The following MTMR3 variants were observed in gnomAD, a reference collection of about 807,000 sequenced individuals.
MTMR3 encodes the protein myotubularin related protein 3, also known as phosphatidylinositol-3,5-bisphosphate 3-phosphatase MTMR3.
MTMR3 carries 32 observed loss-of-function variants against 132.4 expected under a neutral mutation model. The observed-to-expected ratio is 0.24, with a 90% CI of 0.18 to 0.32. The LOEUF (loss-of-function observed/expected upper bound fraction) is 0.32, where lower values mean the gene tolerates loss of function less well. Ranked by LOEUF, MTMR3 falls within the 10% of genes least tolerant of loss-of-function variation. The probability of loss-of-function intolerance (pLI) is 1.00; values close to 1 mark genes in which losing one functional copy is unlikely to be tolerated. For missense variants in MTMR3, 1,216 were observed against 1,489.6 expected, an observed-to-expected ratio of 0.82 and a Z score of 3.02; for synonymous variants, 556 against 550.3, an observed-to-expected ratio of 1.01 and a Z score of -0.14.
chr22:29,927,549 T>C (rs1344133970), intron 1 of MTMR3, among the ~76,000 whole-genome samples: 4 of 152,246 alleles, frequency 2.6e-5, no homozygotes, highest in African/African-American at 9.6e-5. Flanking sequence ...ATTTTTGTTT[T>C]AAATTCTTGT....
chr22:30,018,287 G>C (rs2067651616), intron 16 of MTMR3: 2 of 524,768 alleles, frequency 3.8e-6, no homozygotes, highest in South Asian at 6.4e-5. Flanking sequence ...GTTGCTTCAT[G>C]TTGTTTTGCA....
At chr22:29,994,765 C>T (rs1041912963) in intron 7 of MTMR3, 1 of 152,190 alleles carries the variant, frequency 6.6e-6, no homozygotes, top group African/African-American at 2.4e-5. Context: ...TCATATAAAT[C>T]TTAGTTTCTG....
intron 1 of MTMR3, among the ~76,000 whole-genome samples, chr22:29,925,098 T>C (rs2065489217): frequency 1.3e-5 from 2 of 152,216 alleles, no homozygotes; most frequent in East Asian, 3.8e-4. Flanking sequence ...AGTAGCACAA[T>C]TACTGCTCAC....
At chr22:29,922,579 A>G (rs534428466) in intron 1 of MTMR3, among the ~76,000 whole-genome samples, 1 of 152,226 alleles carries the variant, frequency 6.6e-6, no homozygotes, top group South Asian at 2.1e-4. Flanking sequence ...CTTTTTAGCT[A>G]TTGTGAAGAA....
chr22:29,973,061 T>G (rs2066567039), intron 3 of MTMR3, among the ~76,000 whole-genome samples: 1 of 152,280 alleles, frequency 6.6e-6, no homozygotes, highest in Non-Finnish European at 1.5e-5. Flanking sequence ...ACCATTGATT[T>G]TAATTATATA....
At chr22:29,916,553 G>A (rs759773291) in intron 1 of MTMR3, among the ~76,000 whole-genome samples, 48 of 56,176 alleles carry the variant, frequency 8.5e-4, no homozygotes, top group Non-Finnish European at 1.3e-3. Flanking sequence ...TTCTCTCAGG[G>A]ATCACAGTTC....
At chr22:29,917,151 T>A (rs2065324540) in intron 1 of MTMR3, among the ~76,000 whole-genome samples, 1 of 152,206 alleles carries the variant, frequency 6.6e-6, no homozygotes, top group South Asian at 2.1e-4. Flanking sequence ...TGATTGTAAA[T>A]GGCTATTTTT....
chr22:29,889,430 G>A (rs986739729), intron 1 of MTMR3, among the ~76,000 whole-genome samples: 1 of 151,768 alleles, frequency 6.6e-6, no homozygotes, highest in African/African-American at 2.4e-5. Context: ...GGGATTACAG[G>A]TACCTGCCAC....
chr22:30,016,876 T>C (rs2067605286), intron 15 of MTMR3, 178 bp downstream of exon 15: 1 of 706,538 alleles, frequency 1.4e-6, no homozygotes, highest in Non-Finnish European at 2.3e-6. Flanking sequence ...CTGATGGTGC[T>C]CTGATCTGTT....
At chr22:29,980,172 C>A (rs909260419) in intron 5 of MTMR3, 1 of 149,474 alleles carries the variant, frequency 6.7e-6, no homozygotes, top group Non-Finnish European at 1.5e-5. Flanking sequence ...AAATCTTGTT[C>A]ATTCGTTTTA....
chr22:29,971,013 AC>A lies in MTMR3; in HGVS notation c.-46del. ...GGGAAAGAAGAGAGCCTTGTTGGAC[AC>A]TGAAGAAGGGACGGGGATTTCTCCT... On this transcript the variant is annotated 5_prime_UTR_variant, in exon 3 of 20. The change creates a new upstream start codon in the 5' untranslated region. Coordinates refer to ENST00000401950, the MANE Select transcript of MTMR3 (RefSeq NM_021090.4). The A allele has an allele frequency of 7.4e-6, 11 of 1,495,894 alleles. No individual in the cohort carries two copies. Among genetic ancestry groups the A allele is most frequent in the Non-Finnish European group, 9.9e-6 (11 of 1,116,356 alleles). The allele number at this position is 1,495,894 out of a possible 1,614,324, so 92.7% of individuals were successfully genotyped here. A position where few individuals can be genotyped will look rare whatever the true frequency, so the allele number is the denominator to read the frequency against.
rs570198447 is a variant in MTMR3, at chr22:29,959,605, C to T, written c.-85+2517C>T. On this transcript the variant is annotated intron_variant, in intron 2 of 19. Coordinates refer to ENST00000401950, the MANE Select transcript of MTMR3 (RefSeq NM_021090.4). ...TGTTGGCCAGGCTGGTCTCGAACTC[C>T]TGATTTCCAGTGATCCATCTGTCTC... 7.2e-5 allele frequency among the ~76,000 whole-genome samples: 11 copies of T among 152,130 alleles called. No individual in the cohort carries two copies. In the South Asian group the frequency reaches 2.3e-3, roughly 32 times the overall value.
rs1023175490 is a variant in MTMR3 at position 30,021,004 on chromosome 22, G to C, written c.3225+120G>C. The C allele has an allele frequency of 7.8e-6, 8 of 1,021,142 alleles. No individual in the cohort carries two copies. In the African/African-American group the frequency reaches 1.3e-4, roughly 17 times the overall value. 63.3% of individuals were successfully genotyped at this position (1,021,142 alleles called of 1,614,324 possible). A position where few individuals can be genotyped will look rare whatever the true frequency, so the allele number is the denominator to read the frequency against. On this transcript the variant is annotated intron_variant, in intron 17 of 19. Coordinates refer to ENST00000401950, the MANE Select transcript of MTMR3 (RefSeq NM_021090.4). ...GTTGTTAAAGGATTGGAAAGGTCCA[G>C]AGTAGCCCTGTTAAGAGAGGCTGGA... is the stretch of plus-strand genomic sequence containing the variant.
At chr22:29,943,175 A>G (rs1390562206) in intron 1 of MTMR3, among the ~76,000 whole-genome samples, 1 of 151,938 alleles carries the variant, frequency 6.6e-6, no homozygotes, top group Non-Finnish European at 1.5e-5. Context: ...TTCCGCAACA[A>G]TGATGTGTGT....
At chr22:29,922,183 T>C (rs2065430266) in intron 1 of MTMR3, among the ~76,000 whole-genome samples, 1 of 152,028 alleles carries the variant, frequency 6.6e-6, no homozygotes, top group Non-Finnish European at 1.5e-5. Context: ...CCCGCCACCT[T>C]GCCCAGCTAA....
intron 3 of MTMR3, among the ~76,000 whole-genome samples, chr22:29,973,467 C>T (rs2066574343): frequency 6.6e-6 from 1 of 152,140 alleles, no homozygotes; most frequent in Non-Finnish European, 1.5e-5. Context: ...TCTTCTAATA[C>T]CAGTCTTACG....
intron 7 of MTMR3, chr22:29,997,478 T>A (rs940917839): frequency 3.3e-5 from 5 of 152,252 alleles, no homozygotes; most frequent in South Asian, 2.1e-4. Context: ...TAATATTTTT[T>A]AAAATAACAT....
chr22:29,890,495 G>A (rs1315313854), intron 1 of MTMR3, among the ~76,000 whole-genome samples: 3 of 151,836 alleles, frequency 2.0e-5, no homozygotes, highest in Non-Finnish European at 2.9e-5. Flanking sequence ...TCTAGCCTGG[G>A]CCACAGAGTG....
At chr22:30,009,790 T>TA (rs1601413910) in intron 12 of MTMR3, 2 of 152,330 alleles carry the variant, frequency 1.3e-5, no homozygotes, top group East Asian at 3.9e-4. Context: ...GATAAGTATT[T>TA]AAAAATCCTG....
Sources: gnomAD v4.1 joint callset for allele counts (sites outside exome capture counted in the v4.1 genomes callset) on GRCh38, gnomAD v4.1.1 for gene constraint, MANE v1.5 for transcripts, NCBI Gene and HGNC (gene_info 2026-07-23, HGNC 2026-07-21) for gene names.